Variants in WNT3 observed in about 807,000 individuals in gnomAD.
WNT3 encodes the protein proto-oncogene Wnt-3.
WNT3 carries 7 observed loss-of-function variants against 34.2 expected under a neutral mutation model. The observed-to-expected ratio is 0.20, with a 90% confidence interval of 0.12 to 0.38. The LOEUF is 0.38. WNT3 is among the 10% of genes least tolerant of loss of function. WNT3 has a pLI of 1.00. For missense variants in WNT3, 267 were observed against 499.8 expected (o/e 0.53, Z 4.44); for synonymous variants, 212 against 211.5 (o/e 1.00, Z -0.02).
chr17:46,790,158 C>T (rs1346109306), intron 1 of WNT3, among the ~76,000 whole-genome samples: 1 of 152,166 alleles, frequency 6.6e-6, no homozygotes, highest in Non-Finnish European at 1.5e-5. Flanking sequence ...CTTCATCAGT[C>T]CCTGCCACCC....
intron 1 of WNT3, among the ~76,000 whole-genome samples, chr17:46,800,074 G>A (rs1002069290): frequency 4.6e-5 from 7 of 152,130 alleles, no homozygotes; most frequent in African/African-American, 2.4e-5. Context: ...TTGGGAAGGA[G>A]TCTGATTCCT....
rs909121582 is a variant in WNT3 at position 46,777,554 on chromosome 17, C to T, written c.81-3645G>A. On this transcript the variant is annotated intron_variant, in intron 1 of 4. Transcript: ENST00000225512. ...CACTGAGCCCTTCCTGCTGTGCAGA[C>T]GCAGTCTCTCCTCTGCCCCACAGGG... Among the ~76,000 whole-genome samples the T allele has an allele frequency of 8.0e-4, 122 of 152,392 alleles. 1 individual carries two copies. Among genetic ancestry groups the T allele is most frequent in the African/African-American group, 2.3e-3 (94 of 41,594 alleles).
rs749719578 is a variant in WNT3, at chr17:46,779,103, A to ACACACACACACAC, written c.81-5195_81-5194insGTGTGTGTGTGTG. Among the ~76,000 whole-genome samples, 330 of 133,600 alleles carry ACACACACACACAC rather than the reference A, an allele frequency of 2.5e-3. 11 individuals are homozygous for ACACACACACACAC. Among genetic ancestry groups the ACACACACACACAC allele is most frequent in the African/African-American group, 8.7e-3 (317 of 36,334 alleles). 87.6% of individuals were successfully genotyped at this position (133,600 alleles called of 152,430 possible). A position where few individuals can be genotyped will look rare whatever the true frequency, so the allele number is the denominator to read the frequency against. ...CACACACACACACACACACACACAC[A>ACACACACACACAC]CCCCAGCCCACTCGGCCTTCCAAAG... On this transcript the variant is annotated intron_variant, in intron 1 of 4. Transcript: ENST00000225512.
chr17:46,815,922 C>G (rs1164731301), intron 1 of WNT3, among the ~76,000 whole-genome samples: 1 of 152,290 alleles, frequency 6.6e-6, no homozygotes, highest in South Asian at 2.1e-4. Flanking sequence ...CACAGCCACA[C>G]AGCCCTGGGC....
intron 1 of WNT3, among the ~76,000 whole-genome samples, chr17:46,800,567 T>C (rs564240914): frequency 6.6e-6 from 1 of 152,300 alleles, no homozygotes; most frequent in East Asian, 1.9e-4. Flanking sequence ...TATCTGAGAA[T>C]ACAGGAAAAT....
intron 1 of WNT3, among the ~76,000 whole-genome samples, chr17:46,802,563 C>T (rs1461564704): frequency 2.0e-5 from 3 of 152,166 alleles, no homozygotes; most frequent in East Asian, 1.9e-4. Context: ...CCACCGTGCC[C>T]GGCCAAGATT....
intron 1 of WNT3, among the ~76,000 whole-genome samples, chr17:46,817,489 G>A (rs1047019873): frequency 3.9e-5 from 6 of 152,164 alleles, no homozygotes; most frequent in Non-Finnish European, 7.3e-5. Flanking sequence ...TAGAGAACTG[G>A]TTTCAGTGTC....
chr17:46,814,517 G>C (rs945053745), intron 1 of WNT3, among the ~76,000 whole-genome samples: 4 of 152,114 alleles, frequency 2.6e-5, no homozygotes, highest in Non-Finnish European at 5.9e-5. Context: ...CCCAGGGAAA[G>C]GTCTGCCCTG....
At chr17:46,782,788 G>C (rs906530839) in intron 1 of WNT3, among the ~76,000 whole-genome samples, 11 of 152,226 alleles carry the variant, frequency 7.2e-5, no homozygotes, top group Non-Finnish European at 1.6e-4. Context: ...CAGGGAGCTT[G>C]TGACAAAACC....
At chr17:46,818,450 C>T (rs1246400092) in intron 1 of WNT3, 68 bp downstream of exon 1, 2 of 1,511,716 alleles carry the variant, frequency 1.3e-6, no homozygotes, top group Non-Finnish European at 1.8e-6. Flanking sequence ...CACCCCCAGC[C>T]GGCGCCCCCA....
At chr17:46,773,630 A>AACCCCCC in intron 2 of WNT3, 38 bp downstream of exon 2, 1 of 149,018 alleles carries the variant, frequency 6.7e-6, no homozygotes, top group Non-Finnish European at 1.2e-5. Flanking sequence ...CCCTCCCCCC[A>AACCCCCC]CCCAGCCCCT....
At chr17:46,789,619 A>T (rs1314141078) in intron 1 of WNT3, among the ~76,000 whole-genome samples, 2 of 152,208 alleles carry the variant, frequency 1.3e-5, no homozygotes, top group Non-Finnish European at 2.9e-5. Flanking sequence ...GGGACAGAGG[A>T]ACAAACCAAA....
chr17:46,816,579 G>A (rs1469136658), intron 1 of WNT3, among the ~76,000 whole-genome samples: 1 of 151,984 alleles, frequency 6.6e-6, no homozygotes, highest in East Asian at 1.9e-4. Context: ...AACAAGCCAT[G>A]TGTCTAGCAT....
chr17:46,791,823 T>A (rs1483917921), intron 1 of WNT3, among the ~76,000 whole-genome samples: 1 of 152,234 alleles, frequency 6.6e-6, no homozygotes, highest in African/African-American at 2.4e-5. Flanking sequence ...GGGGATCACC[T>A]GAGGCCAGGA....
chr17:46,791,726 A>G (rs1449511451), intron 1 of WNT3, among the ~76,000 whole-genome samples: 1 of 152,248 alleles, frequency 6.6e-6, no homozygotes, highest in Non-Finnish European at 1.5e-5. Flanking sequence ...TCTGGGGGAA[A>G]CACACGTTGT....
chr17:46,807,406 C>T (rs927423929), intron 1 of WNT3, among the ~76,000 whole-genome samples: 2 of 152,084 alleles, frequency 1.3e-5, no homozygotes, highest in Admixed American at 6.6e-5. Flanking sequence ...TGCTTGAACC[C>T]GGGAGGCGGA....
In WNT3 at chr17:46,797,835, T is replaced by C. The variant is rs563390549; in HGVS notation, c.80+20683A>G. Among the ~76,000 whole-genome samples the C allele has an allele frequency of 1.3e-3, 205 of 152,306 alleles. 1 individual carries two copies. Among genetic ancestry groups the C allele is most frequent in the African/African-American group, 4.5e-3 (187 of 41,562 alleles). The stretch of plus-strand genomic sequence containing the variant: ...AATGCAGAGAGAGAATAGCTCAACA[T>C]AGAGGGCCACATGCAGTATAACACC... On this transcript the variant is annotated intron_variant, in intron 1 of 4. Transcript: ENST00000225512.
chr17:46,776,481 A>T (rs562339865), intron 1 of WNT3, among the ~76,000 whole-genome samples: 3 of 152,184 alleles, frequency 2.0e-5, no homozygotes, highest in Non-Finnish European at 2.9e-5. Flanking sequence ...CTTCATTATC[A>T]TCGCCATTGT....
chr17:46,814,067 C>T (rs781605201), intron 1 of WNT3, among the ~76,000 whole-genome samples: 4 of 152,304 alleles, frequency 2.6e-5, no homozygotes, highest in East Asian at 1.9e-4. Context: ...TTGACCTCAT[C>T]GCCAAAGGTC....
Sources: gnomAD v4.1 joint callset for allele counts (sites outside exome capture counted in the v4.1 genomes callset) on GRCh38, gnomAD v4.1.1 for gene constraint, MANE v1.5 for transcripts, NCBI Gene and HGNC (gene_info 2026-07-23, HGNC 2026-07-21) for gene names.